Variants in ZNF804B observed in about 807,000 individuals in gnomAD.
ZNF804B encodes the protein zinc finger 804B.
A neutral mutation model predicts 101.4 loss-of-function variants in ZNF804B; 80 were observed. That is an observed-to-expected ratio of 0.79 (90% CI 0.66 to 0.95). The LOEUF (loss-of-function observed/expected upper bound fraction) is 0.95, where lower values mean the gene tolerates loss of function less well. Ranked by LOEUF, ZNF804B falls within the 40% of genes least tolerant of loss-of-function variation. The pLI, the probability that ZNF804B is intolerant of heterozygous loss-of-function variation, is 0.00. For missense variants in ZNF804B, 1,673 were observed against 1,561.9 expected, an observed-to-expected ratio of 1.07 and a Z score of -1.20; for synonymous variants, 622 against 558.8, an observed-to-expected ratio of 1.11 and a Z score of -1.59.
intron 2 of ZNF804B, among the ~76,000 whole-genome samples, chr7:89,233,855 T>A (rs779745121): frequency 3.9e-5 from 6 of 152,054 alleles, no homozygotes; most frequent in Non-Finnish European, 5.9e-5. Flanking sequence ...TCAGGCTGAC[T>A]TCAGGTGATC....
At chr7:88,923,729 A>G (rs1276204278) in intron 1 of ZNF804B, among the ~76,000 whole-genome samples, 1 of 152,112 alleles carries the variant, frequency 6.6e-6, no homozygotes, top group Non-Finnish European at 1.5e-5. Flanking sequence ...AACTTGATAT[A>G]CATCTTATTA....
intron 1 of ZNF804B, among the ~76,000 whole-genome samples, chr7:88,942,123 C>T (rs1793062862): frequency 6.6e-6 from 1 of 151,758 alleles, no homozygotes; most frequent in Non-Finnish European, 1.5e-5. Context: ...TATGTATCTA[C>T]TCATAGTTAT....
At chr7:89,230,086 C>G (rs954516953) in intron 2 of ZNF804B, among the ~76,000 whole-genome samples, 1 of 151,630 alleles carries the variant, frequency 6.6e-6, no homozygotes, top group South Asian at 2.1e-4. Flanking sequence ...AAAGAAATAT[C>G]AAAAATTGAT....
At chr7:88,854,555 C>T (rs1307381047) in intron 1 of ZNF804B, among the ~76,000 whole-genome samples, 2 of 127,118 alleles carry the variant, frequency 1.6e-5, no homozygotes, top group African/African-American at 6.2e-5. Context: ...TCCTTCCTTC[C>T]TTCCTTCCTT....
intron 2 of ZNF804B, among the ~76,000 whole-genome samples, chr7:89,224,351 T>C (rs1465422390): frequency 6.6e-6 from 1 of 152,012 alleles, no homozygotes; most frequent in Non-Finnish European, 1.5e-5. Context: ...AAAATACTGT[T>C]TTGGATTCAC....
rs1021251982 is a variant in ZNF804B, at chr7:88,831,530, G to C, written c.108+71446G>C. ...ATCAAATTGTTTGGTCAAGGACTGGGCACATTTTTAAAGCTTTTGTCACGT... is the reference window on the plus strand; with the variant it reads ...ATCAAATTGTTTGGTCAAGGACTGGCCACATTTTTAAAGCTTTTGTCACGT... On this transcript the variant is annotated intron_variant, in intron 1 of 3. Transcript: ENST00000333190. 4.6e-5 allele frequency among the ~76,000 whole-genome samples: 7 copies of C among 151,442 alleles called. No individual in the cohort carries two copies. In the East Asian group the frequency reaches 1.2e-3, roughly 25 times the overall value.
intron 1 of ZNF804B, among the ~76,000 whole-genome samples, chr7:89,036,020 T>TTA (rs1554357784): frequency 6.9e-6 from 1 of 144,434 alleles, no homozygotes; most frequent in Non-Finnish European, 1.5e-5. Context: ...ATATAGTATA[T>TTA]ATTAATATGT....
At chr7:89,040,830 G>A (rs1356365444) in intron 1 of ZNF804B, among the ~76,000 whole-genome samples, 1 of 152,134 alleles carries the variant, frequency 6.6e-6, no homozygotes, top group Non-Finnish European at 1.5e-5. Flanking sequence ...GGGTCTGTGT[G>A]TGCCAGCCTG....
At chr7:88,915,862 T>G (rs1477177868) in intron 1 of ZNF804B, among the ~76,000 whole-genome samples, 4 of 142,390 alleles carry the variant, frequency 2.8e-5, no homozygotes, top group Non-Finnish European at 5.9e-5. Flanking sequence ...ATCTATGATA[T>G]AATATATTTA....
At chr7:88,823,227 A>G (rs1791008372) in intron 1 of ZNF804B, among the ~76,000 whole-genome samples, 1 of 152,100 alleles carries the variant, frequency 6.6e-6, no homozygotes. Context: ...AAACAAAACA[A>G]AAAACCAATA....
chr7:89,087,795 T>A (rs1208745573), intron 1 of ZNF804B, among the ~76,000 whole-genome samples: 1 of 151,938 alleles, frequency 6.6e-6, no homozygotes, highest in East Asian at 1.9e-4. Context: ...TGCTTTCTTC[T>A]ACTTTCCTAC....
intron 1 of ZNF804B, among the ~76,000 whole-genome samples, chr7:88,917,804 A>G (rs1305338587): frequency 1.3e-5 from 2 of 152,154 alleles, no homozygotes; most frequent in African/African-American, 2.4e-5. Flanking sequence ...CTCTGTTTCC[A>G]TTCTGTTTTA....
At position 89,138,409 on chromosome 7, in the gene ZNF804B, C is replaced by G. The variant is rs571963111; in HGVS notation, c.109-79746C>G. Among the ~76,000 whole-genome samples the G allele has an allele frequency of 2.0e-5, 3 of 152,220 alleles. No individual in the cohort carries two copies. In the South Asian group the frequency reaches 6.2e-4, roughly 32 times the overall value. On this transcript the variant is annotated intron_variant, in intron 1 of 3. Transcript: ENST00000333190. ...TGTGACCGTTGTATCTAGGAAGTAA[C>G]TTACTTGCTTTTTATTTACAGGCTC... is the stretch of plus-strand genomic sequence containing the variant.
At chr7:89,103,058 T>TGTTTGTTTG (rs1562885426) in intron 1 of ZNF804B, among the ~76,000 whole-genome samples, 9 of 120,492 alleles carry the variant, frequency 7.5e-5, no homozygotes, top group African/African-American at 3.0e-4. Flanking sequence ...GTTTTTTTTT[T>TGTTTGTTTG]TTTTTTTTTT....
intron 1 of ZNF804B, among the ~76,000 whole-genome samples, chr7:88,963,705 T>A (rs1793419800): frequency 1.3e-5 from 2 of 151,374 alleles, no homozygotes; most frequent in Admixed American, 1.3e-4. Flanking sequence ...AACTTTTTTT[T>A]ACATCATAGA....
At chr7:88,812,685 C>T (rs946995809) in intron 1 of ZNF804B, among the ~76,000 whole-genome samples, 7 of 151,926 alleles carry the variant, frequency 4.6e-5, no homozygotes, top group South Asian at 2.1e-4. Flanking sequence ...TGTGTATGTA[C>T]GTATATATAC....
Position 89,333,453 on chromosome 7 carries a change from A to G in ZNF804B, c.471A>G (p.Arg157=). Residue 157 remains arginine, a synonymous_variant, in exon 4 of 4, where the codon AGA becomes AGG. Coordinates refer to ENST00000333190, the MANE Select transcript of ZNF804B (RefSeq NM_181646.5). ...QQGIFPIKNG[R]KVSCMKSALL... is the part of the protein sequence containing the mutation. Reference sequence around the variant, plus strand: ...GAATTTTCCCCATTAAGAATGGCAGAAAGGTATCATGCATGAAGAGTGCTC... The same window carrying G: ...GAATTTTCCCCATTAAGAATGGCAGGAAGGTATCATGCATGAAGAGTGCTC... 1 of 1,613,156 alleles carries G rather than the reference A, an allele frequency of 6.2e-7. No homozygotes were observed.
At chr7:88,920,861 C>T (rs1450076463) in intron 1 of ZNF804B, among the ~76,000 whole-genome samples, 4 of 151,952 alleles carry the variant, frequency 2.6e-5, no homozygotes, top group Non-Finnish European at 5.9e-5. Flanking sequence ...TCCCTATCGG[C>T]AGAGACTTTA....
chr7:88,843,017 C>G (rs1346192733), intron 1 of ZNF804B, among the ~76,000 whole-genome samples: 1 of 152,006 alleles, frequency 6.6e-6, no homozygotes, highest in Non-Finnish European at 1.5e-5. Context: ...TTATTTTCTG[C>G]TTTTTAATAA....
Sources: gnomAD v4.1 joint callset for allele counts (sites outside exome capture counted in the v4.1 genomes callset) on GRCh38, gnomAD v4.1.1 for gene constraint, MANE v1.5 for transcripts, NCBI Gene and HGNC (gene_info 2026-07-23, HGNC 2026-07-21) for gene names.